The following ADAMTS19 variants were observed in gnomAD, a reference collection of about 807,000 sequenced individuals.
ADAMTS19 encodes A disintegrin and metalloproteinase with thrombospondin motifs 19.
ADAMTS19 carries 93 observed loss-of-function variants against 153.3 expected under a neutral mutation model. The ratio of observed to expected loss-of-function variants is 0.61; its 90% CI spans 0.51 to 0.72. The LOEUF is 0.72. Ranked by LOEUF, ADAMTS19 falls within the 30% of genes least tolerant of loss-of-function variation. The pLI, the probability that ADAMTS19 is intolerant of heterozygous loss-of-function variation, is 0.00. For synonymous variants in ADAMTS19, 600 were observed against 556.6 expected (o/e 1.08, Z -1.10); for missense variants, 1,482 against 1,552.1 (o/e 0.95, Z 0.76).
intron 8 of ADAMTS19, among the ~76,000 whole-genome samples, chr5:129,614,734 G>A (rs554413650): frequency 3.9e-5 from 6 of 152,168 alleles, no homozygotes; most frequent in Non-Finnish European, 1.5e-5. Flanking sequence ...TAGGAAAAGA[G>A]GAAGTCAAAT....
chr5:129,608,112 GTGTGTATA>G, intron 8 of ADAMTS19, among the ~76,000 whole-genome samples: 1 of 31,844 alleles, frequency 3.1e-5, no homozygotes, highest in African/African-American at 6.7e-5. Context: ...GTGTGTGTGT[GTGTGTATA>G]TATATATATA....
In ADAMTS19 at chr5:129,623,009, G is replaced by A. The variant is rs892864604; in HGVS notation, c.1770+661G>A. Among the ~76,000 whole-genome samples, 9 of 152,160 alleles carry A rather than the reference G, an allele frequency of 5.9e-5. No individual in the cohort carries two copies. In the South Asian group the frequency reaches 1.2e-3, roughly 21 times the overall value. ...CTTATATGGAAATGGGTAAAAATGC[G>A]ATATGAAAATATAATTGATAAAAAT... is the stretch of plus-strand genomic sequence containing the variant. On this transcript the variant is annotated intron_variant, in intron 10 of 22. Transcript: ENST00000274487.
intron 13 of ADAMTS19, among the ~76,000 whole-genome samples, chr5:129,650,303 C>T (rs1212861161): frequency 2.0e-5 from 3 of 152,126 alleles, no homozygotes; most frequent in Non-Finnish European, 4.4e-5. Flanking sequence ...CTTTTCTCCC[C>T]TTAGTCAATT....
chr5:129,652,439 C>T (rs542402327), intron 13 of ADAMTS19, among the ~76,000 whole-genome samples: 1 of 152,302 alleles, frequency 6.6e-6, no homozygotes, highest in South Asian at 2.1e-4. Context: ...ATGGCTTCAA[C>T]ATTCAGGTAT....
intron 3 of ADAMTS19, among the ~76,000 whole-genome samples, chr5:129,511,421 C>T (rs904877502): frequency 6.6e-6 from 1 of 151,698 alleles, no homozygotes; most frequent in African/African-American, 2.4e-5. Context: ...CTCACTCCAG[C>T]CTAGGTAATC....
At chr5:129,582,226 G>A (rs1749550792) in intron 7 of ADAMTS19, among the ~76,000 whole-genome samples, 1 of 150,068 alleles carries the variant, frequency 6.7e-6, no homozygotes, top group Non-Finnish European at 1.5e-5. Context: ...TTGTGTGGGA[G>A]TCTAAGACTC....
intron 10 of ADAMTS19, among the ~76,000 whole-genome samples, chr5:129,628,569 A>G (rs943155140): frequency 6.6e-5 from 10 of 152,096 alleles, no homozygotes; most frequent in Admixed American, 6.6e-4. Flanking sequence ...TTGAAGCTAT[A>G]TGGGAATGCC....
intron 21 of ADAMTS19, among the ~76,000 whole-genome samples, chr5:129,720,168 A>ATTTATT (rs1554110320): frequency 7.8e-6 from 1 of 128,196 alleles, no homozygotes; most frequent in Non-Finnish European, 1.6e-5. Flanking sequence ...ATATATATAT[A>ATTTATT]TATTTATTTT....
intron 16 of ADAMTS19, among the ~76,000 whole-genome samples, chr5:129,668,957 C>T (rs1468794894): frequency 1.3e-5 from 2 of 151,964 alleles, no homozygotes; most frequent in Non-Finnish European, 2.9e-5. Context: ...AAGAACAAAG[C>T]TGGAGGATGC....
At chr5:129,545,402 G>T (rs1169183868) in intron 6 of ADAMTS19, among the ~76,000 whole-genome samples, 2 of 152,098 alleles carry the variant, frequency 1.3e-5, no homozygotes, top group African/African-American at 4.8e-5. Flanking sequence ...ATACACAAAG[G>T]TGCCTGAGCA....
chr5:129,465,302 CAAT>C (rs1023636941), intron 2 of ADAMTS19, among the ~76,000 whole-genome samples: 38 of 141,338 alleles, frequency 2.7e-4, no homozygotes, highest in Non-Finnish European at 1.5e-5. Flanking sequence ...AAAGTTAACA[CAAT>C]GTTTTTTTTT....
intron 2 of ADAMTS19, among the ~76,000 whole-genome samples, chr5:129,482,320 A>G (rs1750442120): frequency 6.6e-6 from 1 of 151,976 alleles, no homozygotes; most frequent in African/African-American, 2.4e-5. Flanking sequence ...TCCATCTCAA[A>G]TCTGTCAAGG....
Position 129,569,972 on chromosome 5 carries a change from A to G in ADAMTS19, c.1372+18065A>G, listed in dbSNP as rs143857468. 2.6e-4 allele frequency among the ~76,000 whole-genome samples: 40 copies of G among 152,170 alleles called. No individual in the cohort carries two copies. In the East Asian group the frequency reaches 7.4e-3, roughly 28 times the overall value. ...AACCAGAAGGAAAGAAGTAGTAAAA[A>G]TAGGAGCATAAATCAGTAGGAGAAT... On this transcript the variant is annotated intron_variant, in intron 7 of 22. Coordinates refer to ENST00000274487, the MANE Select transcript of ADAMTS19 (RefSeq NM_133638.6).
At chr5:129,604,385 A>G (rs1325764688) in intron 8 of ADAMTS19, among the ~76,000 whole-genome samples, 2 of 152,184 alleles carry the variant, frequency 1.3e-5, no homozygotes, top group Non-Finnish European at 2.9e-5. Flanking sequence ...GTCATGTTCT[A>G]AAGAAAGCAT....
intron 4 of ADAMTS19, 113 bp from the exon 5 acceptor site, chr5:129,527,633 TAA>T (rs373626538): frequency 1.0e-4 from 17 of 164,900 alleles, no homozygotes; most frequent in Non-Finnish European, 1.4e-4. Context: ...TTTTTTTTTT[TAA>T]AAAAAAAAAA....
At chr5:129,662,398 A>G (rs941451628) in intron 15 of ADAMTS19, among the ~76,000 whole-genome samples, 1 of 152,078 alleles carries the variant, frequency 6.6e-6, no homozygotes, top group Non-Finnish European at 1.5e-5. Flanking sequence ...AAAGTATTTA[A>G]CTCCCAGTCA....
At chr5:129,592,536 A>G (rs1241202828) in intron 7 of ADAMTS19, among the ~76,000 whole-genome samples, 2 of 152,200 alleles carry the variant, frequency 1.3e-5, no homozygotes, top group African/African-American at 4.8e-5. Flanking sequence ...AAACAGAATA[A>G]TTCAAATCAT....
intron 7 of ADAMTS19, among the ~76,000 whole-genome samples, chr5:129,572,393 A>T (rs1383914654): frequency 1.3e-5 from 2 of 152,002 alleles, no homozygotes; most frequent in Non-Finnish European, 2.9e-5. Flanking sequence ...TGCACTTAAC[A>T]TATGACCCAG....
intron 6 of ADAMTS19, among the ~76,000 whole-genome samples, chr5:129,533,677 T>C (rs375414327): frequency 1.3e-5 from 2 of 152,178 alleles, no homozygotes; most frequent in South Asian, 2.1e-4. Flanking sequence ...GTTCTTTTAA[T>C]TGTGATGTTA....
Sources: allele counts gnomAD v4.1 joint callset (sites outside exome capture counted in the v4.1 genomes callset), GRCh38; gene constraint gnomAD v4.1.1; transcripts MANE v1.5; gene names NCBI Gene and HGNC (gene_info 2026-07-23, HGNC 2026-07-21).